SLC9C1: variants seen among roughly 807,000 people sequenced by gnomAD.
The protein encoded by SLC9C1 is solute carrier family 9 member C1.
In SLC9C1, 97 loss-of-function variants were observed where a neutral mutation model predicts 140.9. The observed-to-expected ratio is 0.69, with a 90% CI of 0.58 to 0.82. The LOEUF (loss-of-function observed/expected upper bound fraction) is 0.82, where lower values mean the gene tolerates loss of function less well. SLC9C1 is among the 40% of genes least tolerant of loss of function. The pLI, the probability that SLC9C1 is intolerant of heterozygous loss-of-function variation, is 0.00. For missense variants in SLC9C1, 1,340 were observed against 1,389.3 expected, an observed-to-expected ratio of 0.96 and a Z score of 0.56; for synonymous variants, 440 against 442.6, an observed-to-expected ratio of 0.99 and a Z score of 0.07.
Position 112,196,957 on chromosome 3 carries a change from T to TA in SLC9C1, c.2523+2363dup, listed in dbSNP as rs34274658. ...CAGTTTTTGTGTATGCCTTGTGATT[T>TA]AAAAAAAAAAAACTGAATTTGAATT... On this transcript the variant is annotated intron_variant, in intron 20 of 28. Coordinates refer to ENST00000305815, the MANE Select transcript of SLC9C1 (RefSeq NM_183061.3). Among the ~76,000 whole-genome samples, 1,133 of 148,324 alleles carry TA rather than the reference T, an allele frequency of 7.6e-3. 11 individuals carry two copies. Among genetic ancestry groups the TA allele is most frequent in the African/African-American group, 0.024 (964 of 40,636 alleles).
At chr3:112,215,058 C>A (rs1576360443) in intron 15 of SLC9C1, among the ~76,000 whole-genome samples, 2 of 152,132 alleles carry the variant, frequency 1.3e-5, no homozygotes, top group South Asian at 2.1e-4. Context: ...GTTCAACATA[C>A]ACAAATCAAT....
At chr3:112,242,640 G>T (rs2079167653) in intron 11 of SLC9C1, among the ~76,000 whole-genome samples, 1 of 152,202 alleles carries the variant, frequency 6.6e-6, no homozygotes, top group Middle Eastern at 3.4e-3. Context: ...CTATAGTCAA[G>T]AATAATTAAT....
chr3:112,163,453 G>C (rs1342909204), intron 26 of SLC9C1, among the ~76,000 whole-genome samples: 1,719 of 151,086 alleles, frequency 0.011, 37 homozygotes, highest in African/African-American at 0.038. Context: ...ATGCGTCCCA[G>C]AGATTCTGGT....
chr3:112,205,841 C>T (rs200269000), intron 16 of SLC9C1, among the ~76,000 whole-genome samples: 2 of 123,574 alleles, frequency 1.6e-5, no homozygotes, highest in South Asian at 3.4e-4. Flanking sequence ...ACACCTTATA[C>T]AAAAATCAAT....
intron 17 of SLC9C1, among the ~76,000 whole-genome samples, chr3:112,203,867 T>G (rs1364553951): frequency 6.6e-6 from 1 of 151,992 alleles, no homozygotes; most frequent in East Asian, 1.9e-4. Flanking sequence ...TTTGCATGGT[T>G]GTTTTGTTAA....
intron 15 of SLC9C1, among the ~76,000 whole-genome samples, chr3:112,209,995 A>C (rs1409063523): frequency 1.3e-5 from 2 of 152,208 alleles, no homozygotes; most frequent in African/African-American, 4.8e-5. Flanking sequence ...TCTAAAATTT[A>C]TATGGAATTC....
Position 112,258,952 on chromosome 3 carries a change from C to A in SLC9C1, c.1197+3972G>T, listed in dbSNP as rs573579165. 2.6e-5 allele frequency among the ~76,000 whole-genome samples: 4 copies of A among 152,158 alleles called. No individual in the cohort carries two copies. The South Asian group carries it at 8.3e-4, about 32-fold the overall frequency. On this transcript the variant is annotated intron_variant, in intron 10 of 28. Transcript: ENST00000305815. ...AGGGGAAGTGCTACACATTTTTAAA[C>A]AACCAGATCTCATGAGAACTCACTC...
chr3:112,228,005 A>G (rs1446211499), intron 13 of SLC9C1, among the ~76,000 whole-genome samples: 6 of 152,128 alleles, frequency 3.9e-5, no homozygotes, highest in Non-Finnish European at 8.8e-5. Flanking sequence ...TGTGGATTCA[A>G]CGCAATCCCT....
intron 21 of SLC9C1, 104 bp from the exon 22 acceptor site, chr3:112,180,766 C>T: frequency 3.3e-6 from 3 of 919,812 alleles, no homozygotes; most frequent in Admixed American, 2.4e-5. Context: ...GACGGAGTCT[C>T]GCTCTGTCAC....
chr3:112,222,515 G>T (rs190467201), intron 13 of SLC9C1, among the ~76,000 whole-genome samples: 1 of 152,024 alleles, frequency 6.6e-6, no homozygotes, highest in African/African-American at 2.4e-5. Context: ...AATCAAAAAG[G>T]TACATGGAGT....
chr3:112,258,236 G>A (rs2079666815), intron 10 of SLC9C1, among the ~76,000 whole-genome samples: 1 of 152,086 alleles, frequency 6.6e-6, no homozygotes, highest in Admixed American at 6.6e-5. Context: ...AAAGACACAT[G>A]CATGCCTATG....
intron 20 of SLC9C1, among the ~76,000 whole-genome samples, chr3:112,190,958 C>G (rs988435233): frequency 4.8e-4 from 70 of 146,836 alleles, no homozygotes; most frequent in Non-Finnish European, 9.9e-4. Flanking sequence ...CACACACACA[C>G]ACACACATAT....
At chr3:112,289,167 C>A (rs1462165534) in intron 1 of SLC9C1, among the ~76,000 whole-genome samples, 1 of 152,162 alleles carries the variant, frequency 6.6e-6, no homozygotes, top group Non-Finnish European at 1.5e-5. Flanking sequence ...GCTGTCAATG[C>A]CCTTCAGCCA....
rs756881607 is a variant in SLC9C1, at chr3:112,278,792, T to C, written c.255A>G (p.Pro85=). 8 of 1,611,338 alleles carry C rather than the reference T, an allele frequency of 5.0e-6. No individual in the cohort carries two copies. The East Asian group carries it at 1.8e-4, about 36-fold the overall frequency. The stretch of plus-strand genomic sequence containing the variant: ...CAAATGCAGTAGTAAAGAAAACTAC[T>C]GGTGTAAATATACGAAAAAATAAGT... ...SPDLFFRIFT[P]VVFFTTAFDM... The change falls in exon 4 of 29, where the codon CCA becomes CCG. Residue 85 remains proline (P), a synonymous_variant. Coordinates refer to ENST00000305815, the MANE Select transcript of SLC9C1 (RefSeq NM_183061.3).
chr3:112,270,573 C>A (rs879827800), intron 6 of SLC9C1, among the ~76,000 whole-genome samples: 2 of 152,176 alleles, frequency 1.3e-5, no homozygotes, highest in East Asian at 3.9e-4. Flanking sequence ...TACAATCCCT[C>A]GGGAGGCCGA....
intron 23 of SLC9C1, among the ~76,000 whole-genome samples, chr3:112,170,577 A>G (rs2077227218): frequency 6.6e-6 from 1 of 152,222 alleles, no homozygotes; most frequent in Non-Finnish European, 1.5e-5. Flanking sequence ...AAAATATAGA[A>G]AACAAATTAC....
chr3:112,161,586 T>C (rs1560014550), intron 26 of SLC9C1, among the ~76,000 whole-genome samples: 2 of 152,146 alleles, frequency 1.3e-5, no homozygotes, highest in Admixed American at 6.5e-5. Context: ...GTTGTAGATA[T>C]GTGGCGTTAT....
At chr3:112,189,572 G>A (rs909411104) in intron 20 of SLC9C1, among the ~76,000 whole-genome samples, 4 of 152,096 alleles carry the variant, frequency 2.6e-5, no homozygotes, top group Non-Finnish European at 5.9e-5. Flanking sequence ...GGCCTCTGTT[G>A]TTCTGTTCCA....
At chr3:112,161,018 C>G (rs918490111) in intron 26 of SLC9C1, among the ~76,000 whole-genome samples, 5 of 152,162 alleles carry the variant, frequency 3.3e-5, no homozygotes, top group Non-Finnish European at 7.3e-5. Flanking sequence ...CTCTGATGAC[C>G]AGTGATGATG....
Sources: allele counts gnomAD v4.1 joint callset (sites outside exome capture counted in the v4.1 genomes callset), GRCh38; gene constraint gnomAD v4.1.1; transcripts MANE v1.5; gene names NCBI Gene and HGNC (gene_info 2026-07-23, HGNC 2026-07-21).